The following TAF4B variants were observed in gnomAD, a reference collection of about 807,000 sequenced individuals.
TAF4B encodes transcription initiation factor TFIID subunit 4B.
Under a neutral mutation model 86.4 loss-of-function variants are expected in TAF4B, and 38 were observed. The observed-to-expected ratio is 0.44, with a 90% CI of 0.34 to 0.58. TAF4B has a LOEUF of 0.58. Ranked by LOEUF, TAF4B falls within the 20% of genes least tolerant of loss-of-function variation. The pLI is 0.02. For missense variants in TAF4B, 988 were observed against 1,027.6 expected (o/e 0.96, Z 0.53); for synonymous variants, 388 against 391.2 (o/e 0.99, Z 0.10).
At chr18:26,328,335 G>A (rs2057022660) in intron 12 of TAF4B, among the ~76,000 whole-genome samples, 1 of 152,004 alleles carries the variant, frequency 6.6e-6, no homozygotes, top group Non-Finnish European at 1.5e-5. Flanking sequence ...TGTAGTCTCA[G>A]CTACTCAGGA....
In TAF4B at chr18:26,324,361, C is replaced by T. The variant is rs182050465; in HGVS notation, c.2134-2654C>T. 5.5e-3 allele frequency among the ~76,000 whole-genome samples: 833 copies of T among 152,318 alleles called. 9 individuals are homozygous for T. The highest frequency in any genetic ancestry group is 0.019 in the African/African-American group (798 of 41,576). On this transcript the variant is annotated intron_variant, in intron 11 of 14. Coordinates refer to ENST00000269142, the MANE Select transcript of TAF4B (RefSeq NM_005640.3). ...TCCTGGCCTCAAGCAATCCACCCGC[C>T]TCGGCCTCCCAAAGTGTTGGGATTA...
chr18:26,321,778 A>G (rs893742220), intron 11 of TAF4B, among the ~76,000 whole-genome samples: 7 of 152,132 alleles, frequency 4.6e-5, no homozygotes, highest in Non-Finnish European at 8.8e-5. Context: ...CCTGAAAACA[A>G]TATATTACTA....
rs112261730 is a variant in TAF4B, at chr18:26,390,837, C to G, written c.*825C>G. ...AGGTGGAATCGGAACTCCAAAACAA[C>G]TGGTACATGTTTTGTTGATGGGCAA... On this transcript the variant is annotated 3_prime_UTR_variant, in exon 15 of 15. Transcript: ENST00000269142. The G allele has an allele frequency of 3.3e-5, 5 of 152,116 alleles. No individual in the cohort carries two copies. Among genetic ancestry groups the G allele is most frequent in the African/African-American group, 7.2e-5 (3 of 41,428 alleles). 9.4% of individuals were successfully genotyped at this position (152,116 alleles called of 1,614,324 possible).
intron 13 of TAF4B, among the ~76,000 whole-genome samples, chr18:26,340,367 A>G (rs151096604): frequency 1.3e-5 from 2 of 152,224 alleles, no homozygotes; most frequent in Non-Finnish European, 2.9e-5. Flanking sequence ...CAAGTTCTAC[A>G]TGGCCAAAAC....
At chr18:26,297,747 T>C (rs1031853840) in intron 9 of TAF4B, among the ~76,000 whole-genome samples, 3 of 152,202 alleles carry the variant, frequency 2.0e-5, no homozygotes, top group African/African-American at 7.2e-5. Context: ...TATCTGTTGA[T>C]GGATATTTGG....
intron 5 of TAF4B, among the ~76,000 whole-genome samples, chr18:26,280,586 A>G (rs1003922682): frequency 3.3e-5 from 5 of 152,190 alleles, no homozygotes; most frequent in African/African-American, 9.6e-5. Flanking sequence ...AGAAATGCAA[A>G]TCAGAACCAC....
chr18:26,255,470 G>C (rs1449697194), intron 1 of TAF4B, among the ~76,000 whole-genome samples: 2 of 151,874 alleles, frequency 1.3e-5, no homozygotes. Context: ...GGGTCTGGTG[G>C]TGGGCACCTA....
At chr18:26,270,214 T>A (rs2056295497) in intron 3 of TAF4B, among the ~76,000 whole-genome samples, 1 of 152,184 alleles carries the variant, frequency 6.6e-6, no homozygotes, top group Non-Finnish European at 1.5e-5. Context: ...CTGAAGGAAC[T>A]CCATTACACT....
At chr18:26,331,231 T>C (rs1332017392) in intron 12 of TAF4B, among the ~76,000 whole-genome samples, 2 of 127,630 alleles carry the variant, frequency 1.6e-5, no homozygotes, top group African/African-American at 2.5e-5. Context: ...TGGTATTTTA[T>C]TTCCACTTAC....
intron 5 of TAF4B, among the ~76,000 whole-genome samples, chr18:26,280,299 AC>A (rs2144580113): frequency 6.6e-6 from 1 of 152,280 alleles, no homozygotes; most frequent in Admixed American, 6.5e-5. Flanking sequence ...TTCAACAAAA[AC>A]AAAAATTGAC....
intron 13 of TAF4B, among the ~76,000 whole-genome samples, chr18:26,343,104 A>G (rs1288411962): frequency 6.6e-6 from 1 of 152,228 alleles, no homozygotes; most frequent in African/African-American, 2.4e-5. Context: ...GAAGATAAGA[A>G]TTCAAAATAC....
chr18:26,378,906 G>C (rs75763244), intron 14 of TAF4B, among the ~76,000 whole-genome samples: 2,968 of 152,182 alleles, frequency 0.02, 84 homozygotes, highest in African/African-American at 0.068. Context: ...GTTGTCTTCT[G>C]TTGTGTAAAT....
intron 9 of TAF4B, among the ~76,000 whole-genome samples, chr18:26,296,001 T>TGTGTG (rs71934573): frequency 6.6e-6 from 1 of 151,806 alleles, no homozygotes; most frequent in African/African-American, 2.4e-5. Context: ...TGTGTGTGTG[T>TGTGTG]GTGTGTGTGT....
At chr18:26,361,430 C>T (rs1301836449) in intron 14 of TAF4B, among the ~76,000 whole-genome samples, 7 of 151,200 alleles carry the variant, frequency 4.6e-5, no homozygotes, top group Non-Finnish European at 8.8e-5. Flanking sequence ...GGCCCCAAAT[C>T]TTAATATAAT....
At chr18:26,353,551 C>A (rs570894846) in intron 13 of TAF4B, among the ~76,000 whole-genome samples, 1 of 152,118 alleles carries the variant, frequency 6.6e-6, no homozygotes, top group African/African-American at 2.4e-5. Context: ...GGCAACATAG[C>A]GAGATTCCTG....
intron 11 of TAF4B, among the ~76,000 whole-genome samples, chr18:26,322,093 C>G (rs1281318483): frequency 6.6e-6 from 1 of 151,968 alleles, no homozygotes; most frequent in Admixed American, 6.6e-5. Context: ...AACTGTTTCC[C>G]TCTTTCCAAG....
At chr18:26,283,974 A>C (rs1313490958) in intron 6 of TAF4B, among the ~76,000 whole-genome samples, 1 of 152,158 alleles carries the variant, frequency 6.6e-6, no homozygotes, top group Non-Finnish European at 1.5e-5. Flanking sequence ...GAATTGCTTG[A>C]ATCCAGGAGG....
chr18:26,265,147 T>C (rs1037678789), intron 1 of TAF4B, 23 bp from the exon 2 acceptor site: 33 of 1,597,152 alleles, frequency 2.1e-5, no homozygotes, highest in Non-Finnish European at 2.6e-5. Flanking sequence ...CAGAGGTCAC[T>C]TTTTTTTCTT....
chr18:26,269,345 G>A (rs1174316465), intron 3 of TAF4B, among the ~76,000 whole-genome samples: 2 of 152,152 alleles, frequency 1.3e-5, no homozygotes, highest in Non-Finnish European at 2.9e-5. Flanking sequence ...TTGATTCAAT[G>A]AGTATGCTGA....
Sources: gnomAD v4.1 joint callset for allele counts (sites outside exome capture counted in the v4.1 genomes callset) on GRCh38, gnomAD v4.1.1 for gene constraint, MANE v1.5 for transcripts, NCBI Gene and HGNC (gene_info 2026-07-23, HGNC 2026-07-21) for gene names.